AGAP1: variants seen among roughly 807,000 people sequenced by gnomAD.
The protein encoded by AGAP1 is arf-GAP with GTPase, ANK repeat and PH domain-containing protein 1.
AGAP1 carries 29 observed loss-of-function variants against 105.3 expected under a neutral mutation model. That is an observed-to-expected ratio of 0.28 (90% CI 0.21 to 0.38). The LOEUF is 0.38. AGAP1 is among the 10% of genes least tolerant of loss of function. The pLI is 1.00. For missense variants in AGAP1, 998 were observed against 1,165.1 expected, an observed-to-expected ratio of 0.86 and a Z score of 2.09; for synonymous variants, 509 against 485.9, an observed-to-expected ratio of 1.05 and a Z score of -0.63.
chr2:235,594,256 A>G (rs1409459563), intron 1 of AGAP1, among the ~76,000 whole-genome samples: 1 of 151,422 alleles, frequency 6.6e-6, no homozygotes, highest in Non-Finnish European at 1.5e-5. Flanking sequence ...GACTAGGAAG[A>G]TTATAATATC....
intron 1 of AGAP1, among the ~76,000 whole-genome samples, chr2:235,685,024 G>A (rs938937094): frequency 2.6e-5 from 4 of 152,094 alleles, no homozygotes; most frequent in African/African-American, 9.7e-5. Context: ...GACCCCCAGA[G>A]GCCCCAGGGG....
At position 235,882,611 on chromosome 2, in the gene AGAP1, C is replaced by A; in HGVS notation, c.1051-734C>A. The A allele has an allele frequency of 2.4e-6, 1 of 420,512 alleles. No homozygotes were observed. The highest frequency in any genetic ancestry group is 2.7e-5 in the South Asian group (1 of 37,382). 26.0% of individuals were successfully genotyped at this position (420,512 alleles called of 1,614,324 possible). A position where few individuals can be genotyped will look rare whatever the true frequency, so the allele number is the denominator to read the frequency against. ...CCCGAGTAGCTGGGATTATAGGTGC[C>A]CACCACTGCGTCCAGCTAATTTTTG... On this transcript the variant is annotated intron_variant, in intron 9 of 17. Coordinates refer to ENST00000304032, the MANE Select transcript of AGAP1 (RefSeq NM_001037131.3). The surrounding 1 kb of genome is among the most constrained non-coding windows in gnomAD (Gnocchi z 4.6).
In AGAP1 at chr2:235,801,750, G is replaced by A. The variant is rs1239483025; in HGVS notation, c.957+2228G>A. On this transcript the variant is annotated intron_variant, in intron 8 of 17. Coordinates refer to ENST00000304032, the MANE Select transcript of AGAP1 (RefSeq NM_001037131.3). This position sits in a 1 kb window ranked among gnomAD's most constrained non-coding sequence, Gnocchi z 6.0. ...CGGGAGGAGGGGCGGGCTTGTCATC[G>A]TGGTGGTCGAGAACACCTTCTGTGT... Among the ~76,000 whole-genome samples, 4 of 152,196 alleles carry A rather than the reference G, an allele frequency of 2.6e-5. No individual in the cohort carries two copies. Among genetic ancestry groups the A allele is most frequent in the Non-Finnish European group, 1.5e-5 (1 of 68,038 alleles).
intron 9 of AGAP1, among the ~76,000 whole-genome samples, chr2:235,813,801 T>C (rs988315572): frequency 2.8e-4 from 43 of 152,180 alleles, no homozygotes; most frequent in Admixed American, 3.3e-4. Context: ...ACTGGAAGAA[T>C]TGGATCACAC....
intron 12 of AGAP1, among the ~76,000 whole-genome samples, chr2:235,949,784 C>T (rs991948404): frequency 6.6e-6 from 1 of 152,188 alleles, no homozygotes; most frequent in Non-Finnish European, 1.5e-5. Context: ...CCACGCCGCA[C>T]CCCCGAGCAC....
At chr2:235,844,364 G>T (rs1055064880) in intron 9 of AGAP1, among the ~76,000 whole-genome samples, 9 of 152,228 alleles carry the variant, frequency 5.9e-5, no homozygotes, top group Admixed American at 3.3e-4. Context: ...CCTCACTTGC[G>T]CCCTCCTCAG....
At chr2:236,072,231 AGAGATC>A (rs1359687758) in intron 16 of AGAP1, 2 of 151,516 alleles carry the variant, frequency 1.3e-5, no homozygotes, top group Non-Finnish European at 2.9e-5. Context: ...CACAAGGCCA[AGAGATC>A]GAGACCATCT....
chr2:235,948,897 A>G (rs2053612311), intron 12 of AGAP1, among the ~76,000 whole-genome samples: 1 of 152,238 alleles, frequency 6.6e-6, no homozygotes, highest in African/African-American at 2.4e-5. Flanking sequence ...TGCAGAGCCT[A>G]TCCCGTGTCC....
rs149661484 is a variant in AGAP1 at position 235,512,678 on chromosome 2, G to A, written c.163+17829G>A. Among the ~76,000 whole-genome samples, 287 of 152,256 alleles carry A rather than the reference G, an allele frequency of 1.9e-3. 3 individuals are homozygous for A. Among genetic ancestry groups the A allele is most frequent in the African/African-American group, 6.2e-3 (257 of 41,546 alleles). ...TGATTTCCCTGTTAGGATTTGCCAT[G>A]GGGTGGGCAGCTGGGCAAAGGCATC... On this transcript the variant is annotated intron_variant, in intron 1 of 17. Transcript: ENST00000304032.
Position 235,735,281 on chromosome 2 carries a change from T to A in AGAP1, c.311-5682T>A, listed in dbSNP as rs116534233. ...GAAATGCCAAACATCTGTTGCAATGTTGACTCCCAAAAGGGCCCTTTTTTT... is the reference window on the plus strand; with the variant it reads ...GAAATGCCAAACATCTGTTGCAATGATGACTCCCAAAAGGGCCCTTTTTTT... On this transcript the variant is annotated intron_variant, in intron 3 of 17. Coordinates refer to ENST00000304032, the MANE Select transcript of AGAP1 (RefSeq NM_001037131.3). Among the ~76,000 whole-genome samples the A allele has an allele frequency of 5.5e-3, 834 of 152,362 alleles. 7 individuals carry two copies. Among genetic ancestry groups the A allele is most frequent in the African/African-American group, 0.019 (806 of 41,592 alleles).
At chr2:235,991,000 C>T (rs954566900) in intron 13 of AGAP1, among the ~76,000 whole-genome samples, 2 of 152,140 alleles carry the variant, frequency 1.3e-5, no homozygotes, top group Non-Finnish European at 2.9e-5. Flanking sequence ...GTGAGGCTGT[C>T]GCCAGGTGGC....
chr2:235,970,655 G>C lies in AGAP1; in HGVS notation c.1645+2032G>C, dbSNP rs183658579. 2.0e-5 allele frequency among the ~76,000 whole-genome samples: 3 copies of C among 152,224 alleles called. No individual in the cohort carries two copies. The highest frequency in any genetic ancestry group is 7.2e-5 in the African/African-American group (3 of 41,462). ...GGTGGGAACTGACCGTTGCCACTTA[G>C]ATACACGTTCATTATCCCACCCACG... On this transcript the variant is annotated intron_variant, in intron 13 of 17. Coordinates refer to ENST00000304032, the MANE Select transcript of AGAP1 (RefSeq NM_001037131.3). This position sits in a 1 kb window ranked among gnomAD's most constrained non-coding sequence, Gnocchi z 5.4.
At position 235,983,678 on chromosome 2, in the gene AGAP1, A is replaced by G. The variant is rs1268256061; in HGVS notation, c.1645+15055A>G. 2.0e-5 allele frequency among the ~76,000 whole-genome samples: 3 copies of G among 152,142 alleles called. No individual in the cohort carries two copies. The highest frequency in any genetic ancestry group is 7.2e-5 in the African/African-American group (3 of 41,434). The stretch of plus-strand genomic sequence containing the variant: ...GCCTTTTCTATGGTTAGATGTTTAA[A>G]TACACACTTCCCATTGTGTTGCCAC... On this transcript the variant is annotated intron_variant, in intron 13 of 17. Coordinates refer to ENST00000304032, the MANE Select transcript of AGAP1 (RefSeq NM_001037131.3). This position sits in a 1 kb window ranked among gnomAD's most constrained non-coding sequence, Gnocchi z 4.5.
At position 235,625,447 on chromosome 2, in the gene AGAP1, G is replaced by T. The variant is rs930248742; in HGVS notation, c.164-83732G>T. On this transcript the variant is annotated intron_variant, in intron 1 of 17. Transcript: ENST00000304032. This position sits in a 1 kb window ranked among gnomAD's most constrained non-coding sequence, Gnocchi z 4.0. ...GAGGTTCTGTAAATCTGGGAGAAAG[G>T]TGCCTTTCCTTTGGAGGGATGGTGG... 5.9e-5 allele frequency among the ~76,000 whole-genome samples: 9 copies of T among 152,322 alleles called. No individual in the cohort carries two copies. The highest frequency in any genetic ancestry group is 2.2e-4 in the African/African-American group (9 of 41,566).
Position 235,798,448 on chromosome 2 carries a change from G to A in AGAP1, c.801+562G>A, listed in dbSNP as rs116431218. Among the ~76,000 whole-genome samples the A allele has an allele frequency of 9.5e-3, 1,443 of 152,218 alleles. 27 individuals carry two copies. Among genetic ancestry groups the A allele is most frequent in the African/African-American group, 0.033 (1,376 of 41,528 alleles). On this transcript the variant is annotated intron_variant, in intron 7 of 17. Transcript: ENST00000304032. The stretch of plus-strand genomic sequence containing the variant: ...TTGTCTGTGCTTGTTTTTTGATTAC[G>A]TTTCTTGGGCAGGTATTCTATTGGC...
intron 3 of AGAP1, among the ~76,000 whole-genome samples, chr2:235,738,132 C>T (rs529704700): frequency 3.9e-5 from 6 of 151,996 alleles, no homozygotes; most frequent in East Asian, 3.9e-4. Context: ...GGAGTGGGCA[C>T]GGGCAGGCAG....
intron 1 of AGAP1, among the ~76,000 whole-genome samples, chr2:235,613,026 G>GTTTT (rs397935531): frequency 2.2e-5 from 3 of 135,090 alleles, no homozygotes; most frequent in Non-Finnish European, 4.9e-5. Context: ...TTTCAGTTTT[G>GTTTT]TTTTTTTTTT....
chr2:236,046,040 G>C lies in AGAP1; in HGVS notation c.1892-3019G>C, dbSNP rs1440638578. The C allele has an allele frequency of 4.2e-6, 2 of 471,256 alleles. No homozygotes were observed. Among genetic ancestry groups the C allele is most frequent in the East Asian group, 1.4e-4 (2 of 14,394 alleles). The allele number at this position is 471,256 out of a possible 1,614,324, so 29.2% of individuals were successfully genotyped here. On this transcript the variant is annotated intron_variant, in intron 15 of 17. Transcript: ENST00000304032. This position sits in a 1 kb window ranked among gnomAD's most constrained non-coding sequence, Gnocchi z 5.2. ...GGAGCTGCTGGGGGGAGGTAGGAGG[G>C]GGTGCACCACGGTCTGAACGAGGGG...
chr2:235,928,300 G>A (rs1038846161), intron 11 of AGAP1, among the ~76,000 whole-genome samples: 1 of 152,190 alleles, frequency 6.6e-6, no homozygotes, highest in East Asian at 1.9e-4. Context: ...ACGCACCTTC[G>A]ATGGGTGGAT....
Sources: gnomAD v4.1 joint callset for allele counts (sites outside exome capture counted in the v4.1 genomes callset) on GRCh38, gnomAD v4.1.1 for gene constraint, Gnocchi (gnomAD v3.1) non-coding constraint, MANE v1.5 for transcripts, NCBI Gene and HGNC (gene_info 2026-07-23, HGNC 2026-07-21) for gene names.